Variants in SLC38A1 observed in about 807,000 individuals in gnomAD.
SLC38A1 encodes the protein solute carrier family 38 member 1.
A neutral mutation model predicts 60.3 loss-of-function variants in SLC38A1; 18 were observed. The ratio of observed to expected loss-of-function variants is 0.30; its 90% confidence interval spans 0.21 to 0.44. The LOEUF (loss-of-function observed/expected upper bound fraction) is 0.44, where lower values mean the gene tolerates loss of function less well. Among genes scored for constraint, SLC38A1 ranks in the 20% least tolerant of loss-of-function variants. The pLI is 1.00. For missense variants in SLC38A1, 448 were observed against 587.2 expected (o/e 0.76, Z 2.45); for synonymous variants, 196 against 212.1 (o/e 0.92, Z 0.66).
At chr12:46,266,138 C>T (rs1013501807) in intron 1 of SLC38A1, among the ~76,000 whole-genome samples, 22 of 152,214 alleles carry the variant, frequency 1.4e-4, no homozygotes, top group African/African-American at 5.1e-4. Context: ...AACAAGATGG[C>T]CTGATCAAGG....
chr12:46,211,180 T>C (rs907986682), intron 5 of SLC38A1, among the ~76,000 whole-genome samples: 2 of 152,286 alleles, frequency 1.3e-5, no homozygotes, highest in South Asian at 2.1e-4. Flanking sequence ...TACACGAACA[T>C]GTGACAGGCC....
At chr12:46,253,374 T>C (rs1592150385) in intron 1 of SLC38A1, among the ~76,000 whole-genome samples, 1 of 152,154 alleles carries the variant, frequency 6.6e-6, no homozygotes, top group African/African-American at 2.4e-5. Context: ...GGGCTGCTGG[T>C]TGCCCATTTT....
intron 5 of SLC38A1, among the ~76,000 whole-genome samples, chr12:46,226,617 C>CT (rs199599486): frequency 0.012 from 1,468 of 122,752 alleles, 15 homozygotes; most frequent in Middle Eastern, 0.021. Flanking sequence ...CATGGATTTC[C>CT]TTTTTTTTTT....
At chr12:46,193,010 T>C (rs991296229) in intron 16 of SLC38A1, among the ~76,000 whole-genome samples, 15 of 152,222 alleles carry the variant, frequency 9.9e-5, no homozygotes, top group African/African-American at 3.6e-4. Flanking sequence ...TCTAGTTCTT[T>C]TAATTGTGAT....
intron 5 of SLC38A1, among the ~76,000 whole-genome samples, chr12:46,222,889 A>G (rs1252651236): frequency 6.6e-6 from 1 of 152,182 alleles, no homozygotes; most frequent in African/African-American, 2.4e-5. Context: ...CTCGGTCTAC[A>G]GTTTGGTACA....
intron 1 of SLC38A1, among the ~76,000 whole-genome samples, chr12:46,253,478 C>G (rs1941926187): frequency 1.3e-5 from 2 of 152,214 alleles, no homozygotes; most frequent in African/African-American, 4.8e-5. Flanking sequence ...GTTGCCATGG[C>G]ATTTGTAAAC....
Position 46,197,777 on chromosome 12 carries a change from T to C in SLC38A1, c.1305A>G (p.Ser435=). 6.2e-7 allele frequency: 1 copy of C among 1,603,202 alleles called. No individual in the cohort carries two copies. Among genetic ancestry groups the C allele is most frequent in the South Asian group, 1.1e-5 (1 of 88,138 alleles). The change falls in exon 16 of 17, where the codon TCA becomes TCG. Residue 435 remains serine, a synonymous_variant. Transcript: ENST00000398637. ...GGTCTGTGATTTTTAAATAAAGAGA[T>C]GAAGGAAGAATGAAAATAAGCATGT... ...SANMLIFILP[S]SLYLKITDQD...
At chr12:46,212,320 T>G (rs1223872233) in intron 5 of SLC38A1, among the ~76,000 whole-genome samples, 1 of 152,244 alleles carries the variant, frequency 6.6e-6, no homozygotes. Flanking sequence ...AAGTGATTCC[T>G]TTTTAAAATT....
intron 3 of SLC38A1, among the ~76,000 whole-genome samples, chr12:46,231,062 A>G (rs1941056966): frequency 1.3e-5 from 2 of 152,232 alleles, no homozygotes; most frequent in Admixed American, 1.3e-4. Context: ...GTCCATCAAC[A>G]GATGACTAGA....
intron 9 of SLC38A1, among the ~76,000 whole-genome samples, chr12:46,205,167 T>C (rs1051181100): frequency 3.9e-5 from 6 of 152,088 alleles, no homozygotes; most frequent in African/African-American, 1.2e-4. Flanking sequence ...TCCAGAAAGG[T>C]AGAGTTAAGT....
At chr12:46,224,158 C>T (rs182312018) in intron 5 of SLC38A1, among the ~76,000 whole-genome samples, 1 of 152,124 alleles carries the variant, frequency 6.6e-6, no homozygotes, top group Non-Finnish European at 1.5e-5. Flanking sequence ...TGGGTCCTCA[C>T]TCCCAGGAAA....
chr12:46,222,308 TC>T (rs1940691526), intron 5 of SLC38A1, among the ~76,000 whole-genome samples: 1 of 151,906 alleles, frequency 6.6e-6, no homozygotes, highest in South Asian at 2.1e-4. Context: ...CCATCTCCAC[TC>T]CACCTCTAGA....
Position 46,197,480 on chromosome 12 carries a change from C to T in SLC38A1, c.1362+240G>A. The stretch of plus-strand genomic sequence containing the variant: ...TGAGATCTGGCCACTGCACTCCAGC[C>T]TGGGCGACAGAGTGAGACTCCATCT... On this transcript the variant is annotated intron_variant, in intron 16 of 16. Transcript: ENST00000398637. 3 of 366,128 alleles carry T rather than the reference C, an allele frequency of 8.2e-6. 1 individual carries two copies. The South Asian group carries it at 8.6e-5, about 10-fold the overall frequency. 22.7% of individuals were successfully genotyped at this position (366,128 alleles called of 1,614,324 possible).
At chr12:46,247,388 G>A (rs1941659263) in intron 1 of SLC38A1, among the ~76,000 whole-genome samples, 1 of 152,200 alleles carries the variant, frequency 6.6e-6, no homozygotes, top group Non-Finnish European at 1.5e-5. Context: ...TGTGATGTAT[G>A]CACAAGCTTC....
intron 16 of SLC38A1, chr12:46,196,001 G>T (rs1939358143): frequency 5.4e-6 from 4 of 736,132 alleles, no homozygotes; most frequent in Non-Finnish European, 8.7e-6. Flanking sequence ...AGGTACCTCA[G>T]TTGGAAATGC....
intron 1 of SLC38A1, among the ~76,000 whole-genome samples, chr12:46,255,159 A>G (rs1355823366): frequency 1.3e-5 from 2 of 152,226 alleles, no homozygotes; most frequent in Non-Finnish European, 2.9e-5. Flanking sequence ...CCTATTGTTG[A>G]TTATAAAACC....
intron 5 of SLC38A1, among the ~76,000 whole-genome samples, chr12:46,223,768 T>G (rs1026781605): frequency 2.0e-5 from 3 of 152,236 alleles, no homozygotes; most frequent in Admixed American, 1.3e-4. Flanking sequence ...ATCTCAGAAG[T>G]GTCGTGAATT....
At chr12:46,253,523 C>T (rs181331480) in intron 1 of SLC38A1, among the ~76,000 whole-genome samples, 5 of 152,276 alleles carry the variant, frequency 3.3e-5, no homozygotes, top group Non-Finnish European at 5.9e-5. Flanking sequence ...GCAGTGAGGA[C>T]GACCAGAGGT....
At chr12:46,261,741 C>T (rs1942203284) in intron 1 of SLC38A1, among the ~76,000 whole-genome samples, 1 of 152,200 alleles carries the variant, frequency 6.6e-6, no homozygotes, top group Non-Finnish European at 1.5e-5. Context: ...ATTACTGTCC[C>T]AGCCACTATG....
Sources: allele counts gnomAD v4.1 joint callset (sites outside exome capture counted in the v4.1 genomes callset), GRCh38; gene constraint gnomAD v4.1.1; transcripts MANE v1.5; gene names NCBI Gene and HGNC (gene_info 2026-07-23, HGNC 2026-07-21).